ABTB3: variants seen among roughly 807,000 people sequenced by gnomAD.
The protein encoded by ABTB3 is ankyrin repeat- and BTB/POZ domain-containing protein 3.
the ABTB3 span, among the ~76,000 whole-genome samples, chr12:107,573,799 C>T: frequency 2.4e-3 from 366 of 152,284 alleles, 2 homozygotes; most frequent in African/African-American, 8.3e-3. Context: ...TTTCTCTTGA[C>T]GCCTCCAACT....
chr12:107,469,041 T>A, the ABTB3 span, among the ~76,000 whole-genome samples: 1 of 152,046 alleles, frequency 6.6e-6, no homozygotes, highest in Non-Finnish European at 1.5e-5. Flanking sequence ...GATAACAACA[T>A]CCCCTTGTTG....
chr12:107,440,648 A>G, the ABTB3 span, among the ~76,000 whole-genome samples: 2 of 152,106 alleles, frequency 1.3e-5, no homozygotes, highest in Non-Finnish European at 2.9e-5. Flanking sequence ...TGATGGTCCC[A>G]TTTCAACTCC....
the ABTB3 span, among the ~76,000 whole-genome samples, chr12:107,572,297 A>G: frequency 4.0e-3 from 612 of 151,932 alleles, 4 homozygotes; most frequent in South Asian, 0.016. Context: ...CTAGATCTCC[A>G]TGAGAGAGGG....
the ABTB3 span, among the ~76,000 whole-genome samples, chr12:107,495,810 CCT>C: frequency 6.6e-6 from 1 of 152,218 alleles, no homozygotes; most frequent in African/African-American, 2.4e-5. Context: ...CTCTTCCCTG[CCT>C]CTGTTTTCTT....
At chr12:107,609,043 C>A in the ABTB3 span, among the ~76,000 whole-genome samples, 4 of 151,782 alleles carry the variant, frequency 2.6e-5, no homozygotes, top group African/African-American at 7.3e-5. Context: ...TCATCTCCCC[C>A]ACGAAGGCTT....
chr12:107,440,930 A>G, the ABTB3 span, among the ~76,000 whole-genome samples: 2 of 152,304 alleles, frequency 1.3e-5, no homozygotes, highest in South Asian at 4.1e-4. Flanking sequence ...CTCCCATTTT[A>G]TAGATGAGGA....
chr12:107,654,813 T>TACAC, the ABTB3 span, among the ~76,000 whole-genome samples: 4 of 96,078 alleles, frequency 4.2e-5, no homozygotes, highest in Admixed American at 2.0e-4. Flanking sequence ...GTCTACATTG[T>TACAC]ATACACACAC....
the ABTB3 span, among the ~76,000 whole-genome samples, chr12:107,341,046 G>A: frequency 6.6e-6 from 1 of 152,150 alleles, no homozygotes; most frequent in Non-Finnish European, 1.5e-5. Context: ...GCCGTGGGAA[G>A]GGCTGGGCAC....
chr12:107,643,705 A>G, the ABTB3 span, among the ~76,000 whole-genome samples: 1 of 149,030 alleles, frequency 6.7e-6, no homozygotes, highest in Non-Finnish European at 1.5e-5. Context: ...AGCCATGAGT[A>G]GTGAAGCACT....
At chr12:107,617,554 G>A in the ABTB3 span, 1 of 1,385,904 alleles carries the variant, frequency 7.2e-7, no homozygotes, top group Non-Finnish European at 9.7e-7. Flanking sequence ...GCAGTGTGAA[G>A]TGGTCCAGGC....
At chr12:107,386,304 A>G in the ABTB3 span, among the ~76,000 whole-genome samples, 1 of 152,222 alleles carries the variant, frequency 6.6e-6, no homozygotes, top group Non-Finnish European at 1.5e-5. Context: ...ATCAGTTGTC[A>G]GTTGATATTT....
chr12:107,499,690 C>T, the ABTB3 span, among the ~76,000 whole-genome samples: 1 of 143,404 alleles, frequency 7.0e-6, no homozygotes, highest in Non-Finnish European at 1.5e-5. Flanking sequence ...TTTTTCTTTT[C>T]TTTTTTTTTT....
At chr12:107,472,741 A>T in the ABTB3 span, among the ~76,000 whole-genome samples, 2 of 152,230 alleles carry the variant, frequency 1.3e-5, no homozygotes, top group Non-Finnish European at 2.9e-5. Context: ...TATCTGATGG[A>T]GCCCTCATGG....
At chr12:107,526,156 A>C in the ABTB3 span, among the ~76,000 whole-genome samples, 1 of 152,328 alleles carries the variant, frequency 6.6e-6, no homozygotes, top group South Asian at 2.1e-4. Context: ...TAGGACTCTT[A>C]ATGAAACTCA....
At chr12:107,592,674 T>C in the ABTB3 span, among the ~76,000 whole-genome samples, 38 of 152,344 alleles carry the variant, frequency 2.5e-4, no homozygotes, top group African/African-American at 8.7e-4. Flanking sequence ...TTCACCCACA[T>C]GTAAAACATC....
At chr12:107,377,874 A>G in the ABTB3 span, among the ~76,000 whole-genome samples, 10 of 152,202 alleles carry the variant, frequency 6.6e-5, no homozygotes, top group African/African-American at 2.4e-4. Context: ...GGTTGCTTCA[A>G]TGACAGCCCC....
chr12:107,448,622 GTTCTTTCTTTCT>G, the ABTB3 span, among the ~76,000 whole-genome samples: 21 of 151,454 alleles, frequency 1.4e-4, no homozygotes, highest in Non-Finnish European at 2.4e-4. Flanking sequence ...GAACCTGTAT[GTTCTTTCTTTCT>G]TTCTTTCTTT....
At chr12:107,531,116 G>A in the ABTB3 span, among the ~76,000 whole-genome samples, 1 of 152,282 alleles carries the variant, frequency 6.6e-6, no homozygotes, top group South Asian at 2.1e-4. Context: ...CTTAACTTTG[G>A]CACTGTTGTC....
the ABTB3 span, among the ~76,000 whole-genome samples, chr12:107,373,952 C>T: frequency 6.6e-6 from 1 of 152,186 alleles, no homozygotes; most frequent in Non-Finnish European, 1.5e-5. Flanking sequence ...GCTCGGGACA[C>T]GTTGGAGGCG....
Sources: allele counts gnomAD v4.1 joint callset (sites outside exome capture counted in the v4.1 genomes callset), GRCh38; gene constraint gnomAD v4.1.1; transcripts MANE v1.5; gene names NCBI Gene and HGNC (gene_info 2026-07-23, HGNC 2026-07-21).